Variants in NSF observed in about 807,000 individuals in gnomAD.
NSF encodes N-ethylmaleimide sensitive factor, vesicle fusing ATPase, also known as vesicle-fusing ATPase.
In NSF, 14 loss-of-function variants were observed where a neutral mutation model predicts 50.3. That is an observed-to-expected ratio of 0.28 (90% CI 0.18 to 0.44). The LOEUF is 0.44. NSF is among the 20% of genes least tolerant of loss of function. The pLI is 1.00. For synonymous variants in NSF, 109 were observed against 175.7 expected (o/e 0.62, Z 3.00); for missense variants, 218 against 504.3 (o/e 0.43, Z 5.44).
At chr17:46,707,444 A>G (rs1326962524) in intron 13 of NSF, among the ~76,000 whole-genome samples, 1 of 152,172 alleles carries the variant, frequency 6.6e-6, no homozygotes, top group East Asian at 1.9e-4. Flanking sequence ...TATTAAGTAT[A>G]TTCATAATGT....
chr17:46,634,560 G>A (rs1422437501), intron 4 of NSF, among the ~76,000 whole-genome samples: 1 of 94,458 alleles, frequency 1.1e-5, no homozygotes, highest in Non-Finnish European at 2.3e-5. Context: ...GTGTGCGTCC[G>A]TAATCCCAGC....
intron 1 of NSF, among the ~76,000 whole-genome samples, chr17:46,622,608 C>T (rs2058077590): frequency 6.9e-6 from 1 of 145,420 alleles, no homozygotes; most frequent in Admixed American, 6.8e-5. Flanking sequence ...CGTGATGAAA[C>T]CCCCGACTCT....
chr17:46,735,671 G>A (rs998730289), intron 17 of NSF, among the ~76,000 whole-genome samples: 11 of 152,084 alleles, frequency 7.2e-5, no homozygotes, highest in African/African-American at 1.4e-4. Flanking sequence ...CTGTCCAGGC[G>A]CAGTGGCTCA....
intron 19 of NSF, among the ~76,000 whole-genome samples, chr17:46,752,327 GA>G (rs2059189093): frequency 6.6e-6 from 1 of 152,024 alleles, no homozygotes; most frequent in African/African-American, 2.4e-5. Context: ...GTCCTTATCT[GA>G]CATACTAGGT....
intron 17 of NSF, 64 bp downstream of exon 17, chr17:46,728,998 G>T (rs2058921457): frequency 2.0e-6 from 2 of 996,422 alleles, no homozygotes; most frequent in East Asian, 2.5e-5. Context: ...CGCATATAAT[G>T]ATACAATCTT....
chr17:46,723,087 G>A (rs2058849196), intron 15 of NSF, among the ~76,000 whole-genome samples: 1 of 152,202 alleles, frequency 6.6e-6, no homozygotes, highest in African/African-American at 2.4e-5. Flanking sequence ...AGATAAGTTG[G>A]TGAGACTACA....
chr17:46,723,100 C>T (rs2058849300), intron 15 of NSF, among the ~76,000 whole-genome samples: 1 of 152,194 alleles, frequency 6.6e-6, no homozygotes, highest in Admixed American at 6.5e-5. Context: ...AGACTACATA[C>T]CATGTAGCAA....
intron 15 of NSF, among the ~76,000 whole-genome samples, chr17:46,714,312 T>G (rs1187050427): frequency 6.6e-6 from 1 of 152,240 alleles, no homozygotes; most frequent in Non-Finnish European, 1.5e-5. Flanking sequence ...ATTTAGGATT[T>G]TTTAAAGTTC....
rs182676002 is a variant in NSF, at chr17:46,721,109, C to T, written c.1762-5440C>T. On this transcript the variant is annotated intron_variant, in intron 15 of 20. Transcript: ENST00000398238. ...CCCTAATCCCTGCGTGGCAGAGCCC[C>T]GCTTCTCCTGTCCCTCAGTGCTCAC... Among the ~76,000 whole-genome samples the T allele has an allele frequency of 2.7e-4, 41 of 152,290 alleles. 1 individual carries two copies. Among genetic ancestry groups the T allele is most frequent in the Admixed American group, 2.3e-3 (35 of 15,300 alleles).
intron 17 of NSF, among the ~76,000 whole-genome samples, chr17:46,732,383 G>A (rs1185723713): frequency 7.0e-6 from 1 of 142,696 alleles, no homozygotes; most frequent in African/African-American, 2.6e-5. Flanking sequence ...TTGTAAATTG[G>A]CTTATTAAAA....
chr17:46,690,605 C>A (rs2058537865), intron 9 of NSF, among the ~76,000 whole-genome samples: 1 of 79,790 alleles, frequency 1.3e-5, no homozygotes, highest in Non-Finnish European at 2.7e-5. Context: ...GAGTGAGACT[C>A]CGTCTCAAAA....
chr17:46,714,087 A>C, intron 15 of NSF, 101 bp downstream of exon 15: 1 of 1,264,704 alleles, frequency 7.9e-7, no homozygotes. Flanking sequence ...AACCCATAGC[A>C]ACTATGTTCT....
intron 15 of NSF, among the ~76,000 whole-genome samples, chr17:46,718,167 A>AGAGAACCTTGGTGTTTGCTCTCCC (rs1205106288): frequency 3.3e-5 from 5 of 152,212 alleles, no homozygotes; most frequent in African/African-American, 1.2e-4. Flanking sequence ...TCCGGTCTCC[A>AGAGAACCTTGGTGTTTGCTCTCCC]GAGAACCTTG....
At chr17:46,710,878 G>T in intron 13 of NSF, 85 bp from the exon 14 acceptor site, 1 of 1,186,326 alleles carries the variant, frequency 8.4e-7, no homozygotes, top group South Asian at 1.5e-5. Flanking sequence ...AATACCTTTA[G>T]CATGTACGGA....
chr17:46,737,468 C>G (rs796483469), intron 17 of NSF, among the ~76,000 whole-genome samples: 1 of 152,040 alleles, frequency 6.6e-6, no homozygotes, highest in African/African-American at 2.4e-5. Flanking sequence ...AAGAGGGTGC[C>G]TTTTAGCTCA....
At chr17:46,738,967 G>A (rs2146316167) in intron 17 of NSF, among the ~76,000 whole-genome samples, 1 of 152,064 alleles carries the variant, frequency 6.6e-6, no homozygotes, top group African/African-American at 2.4e-5. Flanking sequence ...CAGGCACGGT[G>A]GCTCACACCC....
At chr17:46,690,624 A>AATATAT (rs1374633889) in intron 9 of NSF, among the ~76,000 whole-genome samples, 36 of 110,946 alleles carry the variant, frequency 3.2e-4, no homozygotes, top group African/African-American at 8.5e-4. Context: ...AAAAAAAAAA[A>AATATAT]ATATATATAT....
intron 17 of NSF, among the ~76,000 whole-genome samples, chr17:46,742,020 T>C (rs1598734012): frequency 6.6e-6 from 1 of 152,156 alleles, no homozygotes; most frequent in Admixed American, 6.5e-5. Flanking sequence ...TCCCAAAGTG[T>C]TGAGATTATA....
chr17:46,721,985 A>G (rs2058835475), intron 15 of NSF: 3 of 1,606,352 alleles, frequency 1.9e-6, no homozygotes, highest in East Asian at 4.5e-5. Context: ...AACAAAGATT[A>G]TGATAGCTTT....
Sources: allele counts gnomAD v4.1 joint callset (sites outside exome capture counted in the v4.1 genomes callset), GRCh38; gene constraint gnomAD v4.1.1; transcripts MANE v1.5; gene names NCBI Gene and HGNC (gene_info 2026-07-23, HGNC 2026-07-21).